FOXP2: variants seen among roughly 807,000 people sequenced by gnomAD.
FOXP2 encodes forkhead box P2, also known as forkhead box protein P2.
FOXP2 carries 12 observed loss-of-function variants against 115.8 expected under a neutral mutation model. The observed-to-expected ratio is 0.10, with a 90% CI of 0.07 to 0.17. FOXP2 has a LOEUF of 0.17. Among genes scored for constraint, FOXP2 ranks in the 10% least tolerant of loss-of-function variants. The pLI, the probability that FOXP2 is intolerant of heterozygous loss-of-function variation, is 1.00. For synonymous variants in FOXP2, 328 were observed against 297.7 expected (o/e 1.10, Z -1.05); for missense variants, 629 against 843.5 (o/e 0.75, Z 3.15).
intron 6 of FOXP2, among the ~76,000 whole-genome samples, chr7:114,635,718 A>T (rs1353076388): frequency 6.6e-6 from 1 of 152,126 alleles, no homozygotes; most frequent in Non-Finnish European, 1.5e-5. Flanking sequence ...AATGAATTTA[A>T]TTCCATTTAT....
chr7:114,232,589 G>A (rs935640223), intron 1 of FOXP2, among the ~76,000 whole-genome samples: 3 of 150,018 alleles, frequency 2.0e-5, no homozygotes, highest in African/African-American at 4.8e-5. Flanking sequence ...TTAGGCGGGC[G>A]GATCACCTGA....
intron 1 of FOXP2, among the ~76,000 whole-genome samples, chr7:114,145,964 A>T (rs556914037): frequency 6.6e-6 from 1 of 152,236 alleles, no homozygotes; most frequent in South Asian, 2.1e-4. Context: ...TTCTTTACAT[A>T]TGTATATGTT....
intron 2 of FOXP2, among the ~76,000 whole-genome samples, chr7:114,322,745 T>C (rs1199855087): frequency 6.6e-6 from 1 of 152,212 alleles, no homozygotes; most frequent in African/African-American, 2.4e-5. Context: ...ACAAACCTAG[T>C]AGTCACATTT....
In FOXP2 at chr7:114,516,583, C is replaced by A. The variant is rs1584837094; in HGVS notation, c.169-18034C>A. On this transcript the variant is annotated intron_variant, in intron 2 of 16. Transcript: ENST00000350908. ...TATTTTTAATTTTTTGAGAAACTTCCATACTGTTTTCCATAATAGCTGTGC... is the reference window on the plus strand; with the variant it reads ...TATTTTTAATTTTTTGAGAAACTTCAATACTGTTTTCCATAATAGCTGTGC... 2.6e-5 allele frequency among the ~76,000 whole-genome samples: 4 copies of A among 152,084 alleles called. No individual in the cohort carries two copies. The South Asian group carries it at 6.3e-4, about 24-fold the overall frequency.
intron 2 of FOXP2, among the ~76,000 whole-genome samples, chr7:114,408,969 T>G (rs1454886819): frequency 6.6e-6 from 1 of 152,024 alleles, no homozygotes; most frequent in Non-Finnish European, 1.5e-5. Context: ...TTCTATAGAG[T>G]TCTATCATTT....
chr7:114,237,563 C>T (rs1422144272), intron 1 of FOXP2, among the ~76,000 whole-genome samples: 1 of 152,098 alleles, frequency 6.6e-6, no homozygotes, highest in South Asian at 2.1e-4. Flanking sequence ...TCTTGAACCA[C>T]GTGCTCAGGC....
chr7:114,403,128 G>A (rs1405070248), intron 2 of FOXP2, among the ~76,000 whole-genome samples: 1 of 152,098 alleles, frequency 6.6e-6, no homozygotes, highest in South Asian at 2.1e-4. Context: ...TTATGTAACA[G>A]CCCCTTCATA....
intron 2 of FOXP2, among the ~76,000 whole-genome samples, chr7:114,398,300 T>C (rs1792793874): frequency 6.6e-6 from 1 of 152,116 alleles, no homozygotes; most frequent in Admixed American, 6.6e-5. Flanking sequence ...ATTAATTTAA[T>C]CTTATATTGG....
chr7:114,442,304 G>A (rs750181787), intron 2 of FOXP2, among the ~76,000 whole-genome samples: 1 of 151,764 alleles, frequency 6.6e-6, no homozygotes, highest in Non-Finnish European at 1.5e-5. Flanking sequence ...GGTTACCTGG[G>A]GCCGGAGGTA....
chr7:114,329,664 ATTTATTTATTTATTTATT>A (rs1176222965), intron 2 of FOXP2, among the ~76,000 whole-genome samples: 2 of 39,726 alleles, frequency 5.0e-5, no homozygotes, highest in Non-Finnish European at 1.2e-4. Flanking sequence ...TTATTTATTT[ATTTATTTATTTATTTATT>A]TATTTATTTT....
At chr7:114,213,120 C>T (rs1156755139) in intron 1 of FOXP2, among the ~76,000 whole-genome samples, 2 of 152,182 alleles carry the variant, frequency 1.3e-5, no homozygotes, top group African/African-American at 2.4e-5. Context: ...TTGTTACATA[C>T]ACTATCCCAT....
chr7:114,517,347 T>C (rs991165736), intron 2 of FOXP2, among the ~76,000 whole-genome samples: 3 of 152,194 alleles, frequency 2.0e-5, no homozygotes, highest in Admixed American at 2.0e-4. Context: ...TTTAGTTTGA[T>C]GCAATCCCGT....
chr7:114,302,544 CTT>C (rs1796903489), intron 2 of FOXP2, among the ~76,000 whole-genome samples: 1 of 152,036 alleles, frequency 6.6e-6, no homozygotes, highest in Admixed American at 6.6e-5. Flanking sequence ...AGTATTTAAA[CTT>C]AAGCAGTTTG....
chr7:114,311,212 G>A (rs1797140385), intron 2 of FOXP2, among the ~76,000 whole-genome samples: 2 of 152,090 alleles, frequency 1.3e-5, no homozygotes, highest in South Asian at 4.1e-4. Flanking sequence ...GTCAGGTTGG[G>A]CAGGAGCCTC....
At chr7:114,380,141 C>G (rs1417086269) in intron 2 of FOXP2, among the ~76,000 whole-genome samples, 1 of 152,100 alleles carries the variant, frequency 6.6e-6, no homozygotes, top group African/African-American at 2.4e-5. Context: ...TCTGATGACC[C>G]CGGCAGTGTA....
chr7:114,210,387 T>G (rs1794312894), intron 1 of FOXP2, among the ~76,000 whole-genome samples: 1 of 152,158 alleles, frequency 6.6e-6, no homozygotes, highest in Non-Finnish European at 1.5e-5. Context: ...AACAGTCAGG[T>G]CACTCTACCA....
intron 2 of FOXP2, among the ~76,000 whole-genome samples, chr7:114,292,685 T>C (rs1796636478): frequency 1.3e-5 from 2 of 152,178 alleles, no homozygotes; most frequent in African/African-American, 4.8e-5. Context: ...TAGGACTTTT[T>C]CTGCATAGTA....
intron 2 of FOXP2, among the ~76,000 whole-genome samples, chr7:114,388,236 T>C (rs1792502592): frequency 6.6e-6 from 1 of 152,138 alleles, no homozygotes; most frequent in Admixed American, 6.5e-5. Flanking sequence ...TTGTGGGCCT[T>C]TGCCTCTCAA....
intron 3 of FOXP2, among the ~76,000 whole-genome samples, chr7:114,565,756 G>C (rs939582933): frequency 1.3e-5 from 2 of 152,092 alleles, no homozygotes; most frequent in Non-Finnish European, 2.9e-5. Context: ...ACAAAAGAAA[G>C]TAAGACAAGG....
Sources: allele counts gnomAD v4.1 joint callset (sites outside exome capture counted in the v4.1 genomes callset), GRCh38; gene constraint gnomAD v4.1.1; transcripts MANE v1.5; gene names NCBI Gene and HGNC (gene_info 2026-07-23, HGNC 2026-07-21).